The following RPS6KA5 variants were observed in gnomAD, a reference collection of about 807,000 sequenced individuals.
The protein encoded by RPS6KA5 is ribosomal protein S6 kinase A5.
Under a neutral mutation model 85.5 loss-of-function variants are expected in RPS6KA5, and 27 were observed. The ratio of observed to expected loss-of-function variants is 0.32; its 90% CI spans 0.23 to 0.44. The LOEUF is 0.44. RPS6KA5 is among the 20% of genes least tolerant of loss of function. The pLI, the probability that RPS6KA5 is intolerant of heterozygous loss-of-function variation, is 1.00. For missense variants in RPS6KA5, 811 were observed against 980.9 expected (o/e 0.83, Z 2.31); for synonymous variants, 334 against 348.2 (o/e 0.96, Z 0.46).
intron 5 of RPS6KA5, among the ~76,000 whole-genome samples, chr14:90,939,015 A>G (rs1032112888): frequency 2.0e-5 from 3 of 152,174 alleles, no homozygotes; most frequent in Non-Finnish European, 4.4e-5. Flanking sequence ...AATTTTCCGA[A>G]CTTTTATGCT....
intron 12 of RPS6KA5, 38 bp from the exon 13 acceptor site, chr14:90,894,621 A>G: frequency 6.2e-7 from 1 of 1,601,470 alleles, no homozygotes; most frequent in South Asian, 1.1e-5. Flanking sequence ...GGCCTTCCTG[A>G]AGCACAGAAG....
intron 4 of RPS6KA5, among the ~76,000 whole-genome samples, chr14:90,945,776 C>G (rs145529838): frequency 6.6e-6 from 1 of 152,136 alleles, no homozygotes; most frequent in Non-Finnish European, 1.5e-5. Flanking sequence ...GAGGCTGAGG[C>G]GGGCAGATTG....
At chr14:90,921,697 G>C (rs1002370391) in intron 6 of RPS6KA5, among the ~76,000 whole-genome samples, 4 of 152,044 alleles carry the variant, frequency 2.6e-5, no homozygotes, top group Non-Finnish European at 4.4e-5. Context: ...CTTAGCCCTG[G>C]GTTCCAAAAC....
chr14:91,049,823 C>A (rs1317838357), intron 1 of RPS6KA5, among the ~76,000 whole-genome samples: 2 of 152,146 alleles, frequency 1.3e-5, no homozygotes, highest in African/African-American at 4.8e-5. Flanking sequence ...TGGTATATAG[C>A]CTATTGTTCC....
intron 5 of RPS6KA5, among the ~76,000 whole-genome samples, chr14:90,929,631 A>G (rs2036865755): frequency 6.6e-6 from 1 of 152,212 alleles, no homozygotes; most frequent in Admixed American, 6.5e-5. Flanking sequence ...AGATCTGAAC[A>G]TTCACTGATG....
chr14:91,037,697 T>C (rs541681451), intron 1 of RPS6KA5, among the ~76,000 whole-genome samples: 15 of 152,358 alleles, frequency 9.8e-5, no homozygotes, highest in African/African-American at 3.6e-4. Context: ...CTATAGGTCA[T>C]ACTCATGTCC....
At chr14:90,972,413 A>T (rs946677435) in intron 3 of RPS6KA5, among the ~76,000 whole-genome samples, 5 of 152,258 alleles carry the variant, frequency 3.3e-5, no homozygotes, top group Non-Finnish European at 7.3e-5. Context: ...TAGTACTGGT[A>T]CATGACTTAA....
At chr14:90,901,744 T>G (rs186841617) in intron 9 of RPS6KA5, among the ~76,000 whole-genome samples, 1 of 152,386 alleles carries the variant, frequency 6.6e-6, no homozygotes, top group Admixed American at 6.5e-5. Flanking sequence ...AGCAAAGCTC[T>G]GATGCCATTT....
At chr14:91,031,098 A>G (rs143185703) in intron 1 of RPS6KA5, among the ~76,000 whole-genome samples, 25 of 152,310 alleles carry the variant, frequency 1.6e-4, no homozygotes, top group African/African-American at 6.0e-4. Context: ...CCAGGGATAA[A>G]GAGAGGATCC....
intron 1 of RPS6KA5, among the ~76,000 whole-genome samples, chr14:91,006,951 C>T (rs1383480745): frequency 2.0e-5 from 3 of 152,204 alleles, no homozygotes; most frequent in African/African-American, 7.2e-5. Context: ...AGTAGGACAC[C>T]TCACTTAGGC....
chr14:90,913,112 T>C (rs1401145993), intron 7 of RPS6KA5, among the ~76,000 whole-genome samples: 1 of 151,938 alleles, frequency 6.6e-6, no homozygotes, highest in Non-Finnish European at 1.5e-5. Context: ...GGTTTCACCA[T>C]GTTGGCCAGG....
At position 90,859,247 on chromosome 14, in the gene RPS6KA5, A is replaced by C. The variant is rs889065469; in HGVS notation, c.*12827T>G. 6.6e-6 allele frequency: 1 copy of C among 152,226 alleles called. No homozygotes were observed. The highest frequency in any genetic ancestry group is 1.5e-5 in the Non-Finnish European group (1 of 68,046). 9.4% of individuals were successfully genotyped at this position (152,226 alleles called of 1,614,324 possible). A position where few individuals can be genotyped will look rare whatever the true frequency, so the allele number is the denominator to read the frequency against. The stretch of plus-strand genomic sequence containing the variant: ...TGCCTGTATTTTATCAGACTGCAAG[A>C]AGAAAACATAACCATCTTAGAGGAA... On this transcript the variant is annotated 3_prime_UTR_variant, in exon 17 of 17. Coordinates refer to ENST00000614987, the MANE Select transcript of RPS6KA5 (RefSeq NM_004755.4).
chr14:90,938,708 T>C (rs1017259094), intron 5 of RPS6KA5, among the ~76,000 whole-genome samples: 5 of 152,224 alleles, frequency 3.3e-5, no homozygotes, highest in South Asian at 2.1e-4. Flanking sequence ...GCCTGAGCTG[T>C]ACCTTGGCTC....
At chr14:90,987,494 A>C (rs901541060) in intron 2 of RPS6KA5, among the ~76,000 whole-genome samples, 1 of 152,206 alleles carries the variant, frequency 6.6e-6, no homozygotes, top group Non-Finnish European at 1.5e-5. Flanking sequence ...CTGTAGTAAA[A>C]AAAAGATTGG....
intron 1 of RPS6KA5, among the ~76,000 whole-genome samples, chr14:91,017,999 A>T (rs1441598150): frequency 2.0e-5 from 3 of 152,196 alleles, no homozygotes; most frequent in African/African-American, 7.2e-5. Context: ...TCTCCTTTGG[A>T]TGTCTCTTGG....
chr14:90,905,137 TTACATTGAGAG>T (rs2035430933), intron 8 of RPS6KA5, among the ~76,000 whole-genome samples: 1 of 152,112 alleles, frequency 6.6e-6, no homozygotes, highest in South Asian at 2.1e-4. Context: ...TAAAAAATAA[TTACATTGAGAG>T]ACTAAGAGAA....
At chr14:90,949,075 T>C (rs965250761) in intron 3 of RPS6KA5, among the ~76,000 whole-genome samples, 5 of 152,058 alleles carry the variant, frequency 3.3e-5, no homozygotes, top group African/African-American at 1.2e-4. Flanking sequence ...GCCAAGGAGT[T>C]TTAATTATAC....
In RPS6KA5 at chr14:91,024,260, TC is replaced by T. The variant is rs141423740; in HGVS notation, c.104-23102del. On this transcript the variant is annotated intron_variant, in intron 1 of 16. Coordinates refer to ENST00000614987, the MANE Select transcript of RPS6KA5 (RefSeq NM_004755.4). ...TGTCATTTTTTTTCCAGAATCCATT[TC>T]CTCCCTTTTCTTGTCCATTTCTTTC... Among the ~76,000 whole-genome samples the T allele has an allele frequency of 4.2e-3, 647 of 152,296 alleles. 2 individuals carry two copies. Among genetic ancestry groups the T allele is most frequent in the Middle Eastern group, 0.017 (5 of 294 alleles).
intron 13 of RPS6KA5, among the ~76,000 whole-genome samples, chr14:90,890,986 C>T (rs2034519424): frequency 6.6e-6 from 1 of 152,044 alleles, no homozygotes; most frequent in African/African-American, 2.4e-5. Context: ...CCTACCTCCC[C>T]CCATCTACTC....
Sources: gnomAD v4.1 joint callset for allele counts (sites outside exome capture counted in the v4.1 genomes callset) on GRCh38, gnomAD v4.1.1 for gene constraint, MANE v1.5 for transcripts, NCBI Gene and HGNC (gene_info 2026-07-23, HGNC 2026-07-21) for gene names.